ADGRV1: variants seen among roughly 807,000 people sequenced by gnomAD.
The protein encoded by ADGRV1 is G-protein coupled receptor 98.
In ADGRV1, 359 loss-of-function variants were observed where a neutral mutation model predicts 596.2. The observed-to-expected ratio is 0.60, with a 90% CI of 0.55 to 0.66. The LOEUF (loss-of-function observed/expected upper bound fraction) is 0.66. ADGRV1 is among the 30% of genes least tolerant of loss of function. The probability of loss-of-function intolerance (pLI) is 0.00; values close to 1 mark genes in which losing one functional copy is unlikely to be tolerated. For missense variants in ADGRV1, 7,274 were observed against 7,575.6 expected, an observed-to-expected ratio of 0.96 and a Z score of 1.48; for synonymous variants, 2,681 against 2,679.2, an observed-to-expected ratio of 1.00 and a Z score of -0.02.
intron 85 of ADGRV1, 136 bp downstream of exon 85, chr5:90,985,658 T>G: frequency 3.4e-6 from 2 of 596,494 alleles, no homozygotes; most frequent in South Asian, 6.1e-5. Flanking sequence ...CTGCTTACTC[T>G]AATTACTCTT....
At chr5:90,906,320 A>G (rs1271273169) in intron 83 of ADGRV1, among the ~76,000 whole-genome samples, 1 of 151,922 alleles carries the variant, frequency 6.6e-6, no homozygotes, top group African/African-American at 2.4e-5. Context: ...TTCTTCTTTA[A>G]ATGGTTGGTA....
chr5:91,050,811 G>A (rs181340218), intron 85 of ADGRV1, among the ~76,000 whole-genome samples: 9 of 152,308 alleles, frequency 5.9e-5, no homozygotes, highest in Admixed American at 5.9e-4. Flanking sequence ...GTGAGATGCA[G>A]TTGTACTGCT....
chr5:90,998,229 T>C (rs1781572250), intron 85 of ADGRV1, among the ~76,000 whole-genome samples: 1 of 152,128 alleles, frequency 6.6e-6, no homozygotes, highest in Non-Finnish European at 1.5e-5. Context: ...GAAAGAAAAA[T>C]GTCTCTAAAG....
rs767949075 is a variant in ADGRV1, at chr5:90,629,471, C to G, written c.1771C>G (p.Gln591Glu). The G allele has an allele frequency of 4.3e-6, 7 of 1,613,500 alleles. No homozygotes were observed. In the South Asian group the frequency reaches 7.7e-5, roughly 18 times the overall value. Residue 591 changes from glutamine (Q) to glutamate (E), a missense_variant, in exon 9 of 90, where the codon CAA (glutamine) becomes GAA (glutamate). By Grantham distance (29) the Gln-to-Glu change is conservative. Coordinates refer to ENST00000405460, the MANE Select transcript of ADGRV1 (RefSeq NM_032119.4). ...NDLIFPEQKT[Q>E]VTTKLPIRND... ...CCTCATTTTTCCAGAGCAAAAAACT[C>G]AAGTCACTACAAAATTACCAATAAG...
At chr5:91,093,664 G>A (rs966025181) in intron 86 of ADGRV1, among the ~76,000 whole-genome samples, 1 of 152,134 alleles carries the variant, frequency 6.6e-6, no homozygotes, top group Non-Finnish European at 1.5e-5. Flanking sequence ...GTGTGCTCAG[G>A]GTGCCTGGAA....
chr5:90,776,603 C>G, intron 61 of ADGRV1, 27 bp downstream of exon 61: 1 of 1,611,392 alleles, frequency 6.2e-7, no homozygotes, highest in Non-Finnish European at 8.5e-7. Flanking sequence ...TTTTCTTTGC[C>G]TATATGGGGG....
intron 19 of ADGRV1, 53 bp downstream of exon 19, chr5:90,652,616 T>G: frequency 8.5e-7 from 1 of 1,170,672 alleles, no homozygotes; most frequent in Non-Finnish European, 1.2e-6. Flanking sequence ...TTATACTAAA[T>G]TTTACATTTT....
At chr5:90,676,254 C>T (rs752416151) in intron 25 of ADGRV1, 45 bp downstream of exon 25, 28 of 1,567,714 alleles carry the variant, frequency 1.8e-5, no homozygotes, top group Non-Finnish European at 2.1e-5. Context: ...CTTGTCTACC[C>T]ATGCTGATGA....
chr5:90,915,752 T>A (rs1242830653), intron 83 of ADGRV1, among the ~76,000 whole-genome samples: 1 of 152,186 alleles, frequency 6.6e-6, no homozygotes, highest in Admixed American at 6.5e-5. Flanking sequence ...GCACGCTTCA[T>A]CATTAAACAA....
chr5:90,626,518 G>A (rs566631170), intron 6 of ADGRV1: 1 of 151,720 alleles, frequency 6.6e-6, no homozygotes, highest in Non-Finnish European at 1.5e-5. Context: ...TTCTAAAATA[G>A]AGTTTATGGT....
chr5:91,016,410 A>T (rs1783176115), intron 85 of ADGRV1, among the ~76,000 whole-genome samples: 1 of 151,932 alleles, frequency 6.6e-6, no homozygotes, highest in East Asian at 1.9e-4. Flanking sequence ...GAGAAAAATT[A>T]CTTGTGACCC....
intron 50 of ADGRV1, among the ~76,000 whole-genome samples, chr5:90,743,952 A>G (rs912530916): frequency 1.3e-5 from 2 of 150,000 alleles, no homozygotes; most frequent in East Asian, 2.0e-4. Context: ...TCCTTTGGCT[A>G]TTTTTTACTT....
chr5:90,719,443 A>G (rs1253893515), intron 43 of ADGRV1, among the ~76,000 whole-genome samples: 1 of 152,154 alleles, frequency 6.6e-6, no homozygotes, highest in East Asian at 1.9e-4. Flanking sequence ...TCTGATTTCT[A>G]TCATTGAAGA....
At chr5:90,800,225 T>C (rs1000914245) in intron 70 of ADGRV1, among the ~76,000 whole-genome samples, 1 of 151,956 alleles carries the variant, frequency 6.6e-6, no homozygotes, top group Non-Finnish European at 1.5e-5. Context: ...CTTAAACAAA[T>C]TTACAAGAAA....
chr5:90,693,853 G>A (rs768308521), intron 32 of ADGRV1, 37 bp from the exon 33 acceptor site: 1 of 1,449,426 alleles, frequency 6.9e-7, no homozygotes, highest in Non-Finnish European at 9.2e-7. Context: ...TACTTTGAGT[G>A]CTTAACCTGT....
chr5:90,864,819 TG>T (rs2150464582), intron 83 of ADGRV1, among the ~76,000 whole-genome samples: 1 of 152,250 alleles, frequency 6.6e-6, no homozygotes, highest in East Asian at 1.9e-4. Flanking sequence ...CTTTTCTGGA[TG>T]GGGAGACACT....
intron 55 of ADGRV1, among the ~76,000 whole-genome samples, chr5:90,755,450 A>G (rs1205166489): frequency 6.6e-6 from 1 of 152,170 alleles, no homozygotes; most frequent in East Asian, 1.9e-4. Context: ...CTGAATTTAG[A>G]TTAATTATAT....
chr5:91,059,602 T>C (rs1229654821), intron 85 of ADGRV1, among the ~76,000 whole-genome samples: 1 of 152,240 alleles, frequency 6.6e-6, no homozygotes, highest in African/African-American at 2.4e-5. Flanking sequence ...TCTACATATG[T>C]ATGATCTAAT....
intron 62 of ADGRV1, among the ~76,000 whole-genome samples, 173 bp from the exon 63 acceptor site, chr5:90,778,254 G>C (rs1370569181): frequency 1.3e-5 from 2 of 151,674 alleles, no homozygotes; most frequent in African/African-American, 4.8e-5. Context: ...TGGAGATTGG[G>C]GAGAAGGTTA....
Sources: allele counts gnomAD v4.1 joint callset (sites outside exome capture counted in the v4.1 genomes callset), GRCh38; gene constraint gnomAD v4.1.1; transcripts MANE v1.5; gene names NCBI Gene and HGNC (gene_info 2026-07-23, HGNC 2026-07-21).